LARS2: variants seen among roughly 807,000 people sequenced by gnomAD.
LARS2 encodes the protein leucyl-tRNA synthetase 2, mitochondrial, also known as leucine--tRNA ligase, mitochondrial.
In LARS2, 81 loss-of-function variants were observed where a neutral mutation model predicts 116.6. The observed-to-expected ratio is 0.69, with a 90% CI of 0.58 to 0.84. LARS2 has a LOEUF of 0.84. LARS2 is among the 40% of genes least tolerant of loss of function. The probability of loss-of-function intolerance (pLI) is 0.00; values close to 1 mark genes in which losing one functional copy is unlikely to be tolerated. For synonymous variants in LARS2, 396 were observed against 407.2 expected, an observed-to-expected ratio of 0.97 and a Z score of 0.33; for missense variants, 968 against 1,114.5, an observed-to-expected ratio of 0.87 and a Z score of 1.87.
intron 6 of LARS2, among the ~76,000 whole-genome samples, chr3:45,444,171 A>AT (rs71095037): frequency 0.42 from 55,686 of 132,004 alleles, 12,161 homozygotes; most frequent in Middle Eastern, 0.6. Flanking sequence ...TTCCTGGCTA[A>AT]TTTTTTTTTT....
chr3:45,444,201 G>A (rs926384125), intron 6 of LARS2, among the ~76,000 whole-genome samples: 1 of 143,464 alleles, frequency 7.0e-6, no homozygotes, highest in Non-Finnish European at 1.5e-5. Context: ...TTTTAGTAGA[G>A]ACAGGGTTTC....
chr3:45,395,918 C>T (rs1244317957), intron 3 of LARS2, among the ~76,000 whole-genome samples: 2 of 152,148 alleles, frequency 1.3e-5, no homozygotes, highest in Non-Finnish European at 2.9e-5. Context: ...TGACTTCTAC[C>T]TTGTTAGGAA....
chr3:45,534,669 A>T (rs1273406053), intron 20 of LARS2, among the ~76,000 whole-genome samples: 1 of 152,194 alleles, frequency 6.6e-6, no homozygotes, highest in Non-Finnish European at 1.5e-5. Context: ...TCTATATCTT[A>T]AGGGAGATGT....
chr3:45,446,614 T>C (rs963234109), intron 6 of LARS2, among the ~76,000 whole-genome samples: 23 of 152,364 alleles, frequency 1.5e-4, no homozygotes, highest in Admixed American at 1.4e-3. Flanking sequence ...AATTCACTTG[T>C]TAGTGCCATA....
chr3:45,532,997 G>T (rs1296591194), intron 20 of LARS2, among the ~76,000 whole-genome samples: 2 of 152,084 alleles, frequency 1.3e-5, no homozygotes, highest in Non-Finnish European at 2.9e-5. Flanking sequence ...CTTGTTCCTT[G>T]CTGAATAGAC....
intron 7 of LARS2, among the ~76,000 whole-genome samples, chr3:45,447,301 T>C (rs1342454176): frequency 6.6e-6 from 1 of 152,172 alleles, no homozygotes; most frequent in African/African-American, 2.4e-5. Context: ...ACTTAACCTC[T>C]AGGAAACATG....
chr3:45,491,050 TA>T (rs1441038989), intron 12 of LARS2, among the ~76,000 whole-genome samples: 2 of 152,198 alleles, frequency 1.3e-5, no homozygotes, highest in Non-Finnish European at 2.9e-5. Flanking sequence ...GAGTAGTCAT[TA>T]AAAATCCATA....
Position 45,400,275 on chromosome 3 carries a change from A to G in LARS2, c.265A>G (p.Met89Val), listed in dbSNP as rs1393905854. The G allele has an allele frequency of 1.2e-6, 2 of 1,613,388 alleles. No homozygotes were observed. The highest frequency in any genetic ancestry group is 1.7e-6 in the Non-Finnish European group (2 of 1,179,792). The stretch of plus-strand genomic sequence containing the variant: ...GAAGCCAAAATTTTACGTGCTTTCC[A>G]TGTTCCCTTATCCTTCTGGTAAGCT... ...KSKPKFYVLSMFPYPSGKLHM... is the reference protein window; with the variant it reads ...KSKPKFYVLSVFPYPSGKLHM... The change falls in exon 4 of 22, where the codon ATG becomes GTG. Residue 89 changes from methionine to valine, a missense_variant. Met to Val is a conservative substitution (Grantham distance 21). Coordinates refer to ENST00000645846, the MANE Select transcript of LARS2 (RefSeq NM_015340.4).
chr3:45,461,159 G>A (rs965791551), intron 8 of LARS2, among the ~76,000 whole-genome samples: 1 of 151,914 alleles, frequency 6.6e-6, no homozygotes, highest in Non-Finnish European at 1.5e-5. Flanking sequence ...GGAAAACATG[G>A]TCATAATGAA....
In LARS2 at chr3:45,488,781, A is replaced by G; in HGVS notation, c.1208A>G (p.Asp403Gly). Residue 403 changes from aspartate (D) to glycine (G), a missense_variant, in exon 12 of 22, where the codon GAT (aspartate) becomes GGT (glycine). Coordinates refer to ENST00000645846, the MANE Select transcript of LARS2 (RefSeq NM_015340.4). Reference sequence around the variant, plus strand: ...TCTGAAGTCATTGAAACTTTGCCAGATGGCACAGAGAGACTGAGCAGCTCT... The same window carrying G: ...TCTGAAGTCATTGAAACTTTGCCAGGTGGCACAGAGAGACTGAGCAGCTCT... Reference protein sequence around the residue: ...AYSEVIETLPDGTERLSSSAE... With the variant: ...AYSEVIETLPGGTERLSSSAE... The G allele has an allele frequency of 1.2e-6, 2 of 1,613,430 alleles. No individual in the cohort carries two copies. Among genetic ancestry groups the G allele is most frequent in the Non-Finnish European group, 1.7e-6 (2 of 1,179,366 alleles).
intron 7 of LARS2, among the ~76,000 whole-genome samples, chr3:45,448,912 G>T (rs949762682): frequency 5.3e-5 from 8 of 152,204 alleles, no homozygotes; most frequent in Admixed American, 5.2e-4. Context: ...GGCCAGTTTG[G>T]GGGCCAGTTT....
chr3:45,392,589 G>A (rs992693083), intron 2 of LARS2, among the ~76,000 whole-genome samples: 3 of 151,888 alleles, frequency 2.0e-5, no homozygotes, highest in Non-Finnish European at 2.9e-5. Flanking sequence ...ACCATTGCCC[G>A]TGGCCTAAGA....
rs772146255 is a variant in LARS2, at chr3:45,491,729, C to T, written c.1452C>T (p.Ile484=). The change falls in exon 13 of 22, where the codon ATC becomes ATT. Residue 484 remains isoleucine (I), a synonymous_variant. Transcript: ENST00000645846. ...LEDLPVTLPN[I]ASFTGKGGPP... ...ACTTGCCTGTGACCCTGCCCAACAT[C>T]GCGTCTTTCACTGGCAAGGGAGGCC... 7 of 1,613,644 alleles carry T rather than the reference C, an allele frequency of 4.3e-6. No homozygotes were observed. The highest frequency in any genetic ancestry group is 2.2e-5 in the East Asian group (1 of 44,880).
chr3:45,536,652 C>G (rs1180063804), intron 20 of LARS2, among the ~76,000 whole-genome samples: 1 of 152,222 alleles, frequency 6.6e-6, no homozygotes, highest in Non-Finnish European at 1.5e-5. Context: ...GAAAATCTGT[C>G]CAGTTTCCAG....
chr3:45,489,637 C>A (rs574020476), intron 12 of LARS2, among the ~76,000 whole-genome samples: 4 of 152,280 alleles, frequency 2.6e-5, no homozygotes, highest in African/African-American at 9.6e-5. Flanking sequence ...AGATCCCACC[C>A]TAGTCTAATA....
At chr3:45,426,819 T>C (rs932632497) in intron 6 of LARS2, among the ~76,000 whole-genome samples, 1 of 152,216 alleles carries the variant, frequency 6.6e-6, no homozygotes, top group African/African-American at 2.4e-5. Context: ...GGAAGTTATT[T>C]GTTTTGTCCG....
chr3:45,518,892 C>T (rs1334858831), intron 18 of LARS2, among the ~76,000 whole-genome samples: 1 of 152,166 alleles, frequency 6.6e-6, no homozygotes, highest in African/African-American at 2.4e-5. Flanking sequence ...GTTGACACTT[C>T]TTCAGCTTTA....
intron 6 of LARS2, among the ~76,000 whole-genome samples, chr3:45,425,806 A>G (rs900371717): frequency 1.3e-5 from 2 of 151,990 alleles, no homozygotes; most frequent in Admixed American, 1.3e-4. Context: ...GTGTAATCAC[A>G]ATTCCATCAT....
At chr3:45,464,357 C>T (rs193048260) in intron 8 of LARS2, among the ~76,000 whole-genome samples, 2 of 151,822 alleles carry the variant, frequency 1.3e-5, no homozygotes, top group South Asian at 2.1e-4. Flanking sequence ...GAATGAAGAC[C>T]GTTAGGGGGA....
Sources: gnomAD v4.1 joint callset for allele counts (sites outside exome capture counted in the v4.1 genomes callset) on GRCh38, gnomAD v4.1.1 for gene constraint, MANE v1.5 for transcripts, NCBI Gene and HGNC (gene_info 2026-07-23, HGNC 2026-07-21) for gene names.